The following SPINK5 variants were observed in gnomAD, a reference collection of about 807,000 sequenced individuals.
The protein encoded by SPINK5 is serine protease inhibitor Kazal-type 5.
In SPINK5, 125 loss-of-function variants were observed where a neutral mutation model predicts 151.8. The ratio of observed to expected loss-of-function variants is 0.82; its 90% CI spans 0.71 to 0.96. SPINK5 has a LOEUF of 0.96. SPINK5 is among the 40% of genes least tolerant of loss of function. The pLI, the probability that SPINK5 is intolerant of heterozygous loss-of-function variation, is 0.00. For missense variants in SPINK5, 1,194 were observed against 1,291.9 expected (o/e 0.92, Z 1.16); for synonymous variants, 374 against 395.3 (o/e 0.95, Z 0.64).
chr5:148,099,003 T>A (rs1443033891), intron 11 of SPINK5, among the ~76,000 whole-genome samples: 2 of 152,082 alleles, frequency 1.3e-5, no homozygotes, highest in South Asian at 2.1e-4. Context: ...AAAGCAAGTA[T>A]CCCAGATCCA....
intron 9 of SPINK5, among the ~76,000 whole-genome samples, chr5:148,095,090 T>A (rs1194877720): frequency 6.6e-6 from 1 of 151,948 alleles, no homozygotes; most frequent in Admixed American, 6.6e-5. Flanking sequence ...TGTCCCCTCC[T>A]CTTGTAGATT....
At chr5:148,108,968 C>T (rs1753851324) in intron 18 of SPINK5, 131 bp downstream of exon 18, 4 of 1,493,170 alleles carry the variant, frequency 2.7e-6, no homozygotes, top group Middle Eastern at 1.8e-4. Flanking sequence ...GTTTGGATCC[C>T]CATATACAAG....
In SPINK5 at chr5:148,072,305, G is replaced by T. The variant is rs544328841; in HGVS notation, c.282+85G>T. 4 of 1,420,320 alleles carry T rather than the reference G, an allele frequency of 2.8e-6. No individual in the cohort carries two copies. The African/African-American group carries it at 4.2e-5, about 15-fold the overall frequency. The allele number at this position is 1,420,320 out of a possible 1,614,324, so 88.0% of individuals were successfully genotyped here. A position where few individuals can be genotyped will look rare whatever the true frequency, so the allele number is the denominator to read the frequency against. On this transcript the variant is annotated intron_variant, in intron 4 of 32. Transcript: ENST00000256084. ...CTATCTGTTTATTCCTTAATTACTAGGTCATACCTGTTTTGAAGCCAACAA... is the reference window on the plus strand; with the variant it reads ...CTATCTGTTTATTCCTTAATTACTATGTCATACCTGTTTTGAAGCCAACAA...
intron 26 of SPINK5, 93 bp downstream of exon 26, chr5:148,120,484 C>A: frequency 7.0e-7 from 1 of 1,436,190 alleles, no homozygotes; most frequent in South Asian, 1.2e-5. Flanking sequence ...CTGACTCTGT[C>A]CCAATCATTG....
intron 26 of SPINK5, among the ~76,000 whole-genome samples, chr5:148,121,143 CAAAAAAAA>C (rs767012594): frequency 5.8e-5 from 4 of 68,670 alleles, no homozygotes; most frequent in Admixed American, 2.2e-4. Context: ...GACTCTGTCT[CAAAAAAAA>C]AAAAAAAAAA....
Position 148,107,184 on chromosome 5 carries a change from C to T in SPINK5, c.1607+20C>T. On this transcript the variant is annotated intron_variant, in intron 17 of 32. Coordinates refer to ENST00000256084, the MANE Select transcript of SPINK5 (RefSeq NM_006846.4). ...TGTGTTGTGAGTGTCCACCCCATCT[C>T]TCCCACTGAATTTCTTCATCCATGA... 1 of 1,609,304 alleles carries T rather than the reference C, an allele frequency of 6.2e-7. No individual in the cohort carries two copies.
intron 4 of SPINK5, among the ~76,000 whole-genome samples, chr5:148,083,999 C>A (rs549525120): frequency 2.4e-4 from 36 of 151,792 alleles, no homozygotes; most frequent in African/African-American, 8.7e-4. Flanking sequence ...CCACTTTGTT[C>A]TTCCTTTATA....
At chr5:148,114,524 G>A in intron 21 of SPINK5, 35 bp downstream of exon 21, 3 of 1,611,494 alleles carry the variant, frequency 1.9e-6, no homozygotes, top group South Asian at 1.1e-5. Flanking sequence ...CTGTGGGATG[G>A]TGGAATTGGG....
intron 11 of SPINK5, 100 bp from the exon 12 acceptor site, chr5:148,099,134 C>G: frequency 9.1e-7 from 1 of 1,099,950 alleles, no homozygotes; most frequent in Non-Finnish European, 1.3e-6. Context: ...CAAAATTGTT[C>G]CACTCTAAGG....
At chr5:148,071,800 A>G (rs1291589243) in intron 3 of SPINK5, among the ~76,000 whole-genome samples, 3 of 152,064 alleles carry the variant, frequency 2.0e-5, no homozygotes, top group Non-Finnish European at 1.5e-5. Flanking sequence ...TGGAATTAGA[A>G]CCAATATAAG....
chr5:148,124,832 G>A lies in SPINK5; in HGVS notation c.2734G>A (p.Ala912Thr), dbSNP rs769403798. 3 of 1,598,658 alleles carry A rather than the reference G, an allele frequency of 1.9e-6. No homozygotes were observed. Among genetic ancestry groups the A allele is most frequent in the Admixed American group, 1.7e-5 (1 of 57,914 alleles). The part of the protein sequence containing the change: ...EKSSSKPSNN[A>T]KDECSEFRNY... Reference sequence around the variant, plus strand: ...ATCAAGTAGCAAGCCCTCAAATAATGCAAAGGTTATTTATTAAAGGATACC... The same window carrying A: ...ATCAAGTAGCAAGCCCTCAAATAATACAAAGGTTATTTATTAAAGGATACC... Residue 912 changes from alanine (A) to threonine (T), a missense_variant, in exon 28 of 33, where the codon GCA becomes ACA. Ala to Thr is a moderately conservative substitution (Grantham distance 58). Coordinates refer to ENST00000256084, the MANE Select transcript of SPINK5 (RefSeq NM_006846.4).
intron 8 of SPINK5, among the ~76,000 whole-genome samples, chr5:148,091,659 C>T (rs1753314498): frequency 6.6e-6 from 1 of 151,260 alleles, no homozygotes; most frequent in South Asian, 2.1e-4. Context: ...ACTATATCCA[C>T]TAGTGCATTT....
intron 31 of SPINK5, among the ~76,000 whole-genome samples, 183 bp downstream of exon 31, chr5:148,131,572 C>G (rs573892733): frequency 4.8e-4 from 73 of 152,194 alleles, no homozygotes; most frequent in African/African-American, 1.6e-3. Context: ...AGATTTAAGG[C>G]TATTCCTTTG....
At chr5:148,067,119 G>T (rs981381931) in intron 2 of SPINK5, among the ~76,000 whole-genome samples, 1 of 152,214 alleles carries the variant, frequency 6.6e-6, no homozygotes, top group Non-Finnish European at 1.5e-5. Context: ...AGGATCTTAA[G>T]CATGCTTAAA....
intron 24 of SPINK5, 78 bp from the exon 25 acceptor site, chr5:148,119,931 A>G (rs1337017337): frequency 6.4e-7 from 1 of 1,552,002 alleles, no homozygotes; most frequent in Non-Finnish European, 8.8e-7. Flanking sequence ...ACTCTTGGAA[A>G]GAAATCCTCT....
At chr5:148,130,452 C>A (rs1031277630) in intron 30 of SPINK5, among the ~76,000 whole-genome samples, 1 of 151,976 alleles carries the variant, frequency 6.6e-6, no homozygotes, top group African/African-American at 2.4e-5. Context: ...GGATTTAAGT[C>A]TTCCATCATC....
At chr5:148,099,072 C>T (rs1301709077) in intron 11 of SPINK5, among the ~76,000 whole-genome samples, 162 bp from the exon 12 acceptor site, 2 of 142,494 alleles carry the variant, frequency 1.4e-5, no homozygotes, top group South Asian at 2.3e-4. Context: ...TAGCACCATA[C>T]TATCCTGGAG....
chr5:148,070,002 G>A (rs1430703175), intron 2 of SPINK5, among the ~76,000 whole-genome samples: 1 of 151,962 alleles, frequency 6.6e-6, no homozygotes, highest in Non-Finnish European at 1.5e-5. Context: ...TCCTTTCACA[G>A]CAATTACTAT....
intron 10 of SPINK5, 88 bp from the exon 11 acceptor site, chr5:148,097,779 A>G: frequency 8.2e-7 from 1 of 1,220,194 alleles, no homozygotes; most frequent in Non-Finnish European, 1.1e-6. Context: ...TTCATCCTTA[A>G]TTTCTCTTTT....
Sources: gnomAD v4.1 joint callset for allele counts (sites outside exome capture counted in the v4.1 genomes callset) on GRCh38, gnomAD v4.1.1 for gene constraint, MANE v1.5 for transcripts, NCBI Gene and HGNC (gene_info 2026-07-23, HGNC 2026-07-21) for gene names.